Variants in PDPN observed in about 807,000 individuals in gnomAD.
PDPN encodes the protein PA2.26 antigen.
PDPN carries 12 observed loss-of-function variants against 23.2 expected under a neutral mutation model. The observed-to-expected ratio is 0.52, with a 90% CI of 0.33 to 0.84. The LOEUF is 0.84. Among genes scored for constraint, PDPN ranks in the 40% least tolerant of loss-of-function variants. PDPN has a pLI of 0.02. For synonymous variants in PDPN, 77 were observed against 76.7 expected, an observed-to-expected ratio of 1.00 and a Z score of -0.02; for missense variants, 199 against 212.2, an observed-to-expected ratio of 0.94 and a Z score of 0.39.
chr1:13,584,384 A>G, intron 1 of PDPN: 1 of 1,345,518 alleles, frequency 7.4e-7, no homozygotes, highest in African/African-American at 1.5e-5. Context: ...GCAGCACCAG[A>G]GAGATCGGGT....
rs2100581714 is a variant in PDPN at position 13,583,848 on chromosome 1, G to C, written c.-186G>C. ...AAAGTTCTCAACTGCAAAGTTTGCTGTCCGGCTGCCTAGGGTCTGGGAAGC... is the reference window on the plus strand; with the variant it reads ...AAAGTTCTCAACTGCAAAGTTTGCTCTCCGGCTGCCTAGGGTCTGGGAAGC... On this transcript the variant is annotated 5_prime_UTR_variant, in exon 1 of 6. Transcript: ENST00000621990. 6.3e-7 allele frequency: 1 copy of C among 1,582,618 alleles called. No individual in the cohort carries two copies. The highest frequency in any genetic ancestry group is 1.4e-5 in the African/African-American group (1 of 73,876).
chr1:13,593,584 A>G (rs1292326769), intron 1 of PDPN, among the ~76,000 whole-genome samples: 2 of 152,202 alleles, frequency 1.3e-5, no homozygotes, highest in African/African-American at 4.8e-5. Context: ...CATTCTGCAC[A>G]TTCCTGCAGG....
chr1:13,614,188 A>C, intron 4 of PDPN, 112 bp from the exon 5 acceptor site: 1 of 637,242 alleles, frequency 1.6e-6, no homozygotes, highest in South Asian at 2.0e-5. Flanking sequence ...AACAACATAG[A>C]GCAATATTTG....
In PDPN at chr1:13,583,934, C is replaced by G. The variant is rs370833657; in HGVS notation, c.-100C>G. The G allele has an allele frequency of 1.2e-4, 186 of 1,613,318 alleles. 2 individuals carry two copies. Among genetic ancestry groups the G allele is most frequent in the Admixed American group, 3.3e-5 (2 of 59,980 alleles). Reference sequence around the variant, plus strand: ...CCCCTCCGGCCCCCCCACCGTCGCGCTCCTCCAGGCTGGGCCTGTGGCCGC... The same window carrying G: ...CCCCTCCGGCCCCCCCACCGTCGCGGTCCTCCAGGCTGGGCCTGTGGCCGC... On this transcript the variant is annotated 5_prime_UTR_variant, in exon 1 of 6. Transcript: ENST00000621990.
intron 1 of PDPN, among the ~76,000 whole-genome samples, chr1:13,590,536 C>G (rs574140381): frequency 2.6e-5 from 4 of 152,100 alleles, no homozygotes; most frequent in African/African-American, 9.7e-5. Context: ...TTGGTTGGAG[C>G]AGGTGGCAGG....
chr1:13,603,085 AAAAC>A (rs1448489197), intron 1 of PDPN, among the ~76,000 whole-genome samples: 1 of 151,920 alleles, frequency 6.6e-6, no homozygotes, highest in Non-Finnish European at 1.5e-5. Flanking sequence ...GAGAGAGAAA[AAAAC>A]AGAGAGAGAT....
intron 1 of PDPN, among the ~76,000 whole-genome samples, chr1:13,600,883 G>A (rs1315659298): frequency 6.6e-6 from 1 of 152,044 alleles, no homozygotes; most frequent in Non-Finnish European, 1.5e-5. Flanking sequence ...GGGTTGGGGG[G>A]ACTCTTGCTA....
chr1:13,585,619 G>A (rs761960890), intron 1 of PDPN: 1 of 1,352,026 alleles, frequency 7.4e-7, no homozygotes, highest in South Asian at 1.1e-5. Context: ...ATTCCCTTCA[G>A]CCGGCTCCTG....
chr1:13,602,351 T>C (rs1640668727), intron 1 of PDPN, among the ~76,000 whole-genome samples: 2 of 151,422 alleles, frequency 1.3e-5, no homozygotes, highest in African/African-American at 4.9e-5. Flanking sequence ...GCCAGCAGCA[T>C]TTAGGCCAAA....
At position 13,607,280 on chromosome 1, in the gene PDPN, C is replaced by T. The variant is rs148537739; in HGVS notation, c.175C>T (p.Arg59Cys). Residue 59 changes from arginine (R) to cysteine (C), a missense_variant, in exon 2 of 6, where the codon CGC becomes TGC. Transcript: ENST00000621990. ...DVVTPGTSED[R>C]YKSGLTTLVA... ...GGTGACTCCAGGAACCAGCGAAGAC[C>T]GCTATAAGTCTGGCTTGACAACTCT... 369 of 1,613,918 alleles carry T rather than the reference C, an allele frequency of 2.3e-4. 2 individuals carry two copies. The highest frequency in any genetic ancestry group is 3.9e-4 in the African/African-American group (29 of 74,926).
At chr1:13,614,065 A>C (rs2275384) in intron 4 of PDPN, among the ~76,000 whole-genome samples, 3,565 of 152,234 alleles carry the variant, frequency 0.023, 86 homozygotes, top group African/African-American at 0.058. Context: ...TTAACACTTA[A>C]GCCAATGTGA....
At position 13,616,556 on chromosome 1, in the gene PDPN, A is replaced by G. The variant is rs1239710504; in HGVS notation, c.*645A>G. On this transcript the variant is annotated 3_prime_UTR_variant, in exon 6 of 6. Transcript: ENST00000621990. ...TCACAAGCAGGAAGTCGATAGTCTCAAAGGCACTTTGTTTCTCCCAAGTAG... is the reference window on the plus strand; with the variant it reads ...TCACAAGCAGGAAGTCGATAGTCTCGAAGGCACTTTGTTTCTCCCAAGTAG... The G allele has an allele frequency of 6.5e-6, 1 of 152,808 alleles. No individual in the cohort carries two copies. The highest frequency in any genetic ancestry group is 1.5e-5 in the Non-Finnish European group (1 of 68,458). The allele number at this position is 152,808 out of a possible 1,614,324, so 9.5% of individuals were successfully genotyped here.
chr1:13,600,574 A>G (rs575748672), intron 1 of PDPN, among the ~76,000 whole-genome samples: 1 of 152,306 alleles, frequency 6.6e-6, no homozygotes. Flanking sequence ...CACGTTGGCC[A>G]GGCTGGTCTT....
intron 1 of PDPN, among the ~76,000 whole-genome samples, chr1:13,602,185 G>A (rs910515958): frequency 3.9e-5 from 6 of 152,144 alleles, no homozygotes; most frequent in East Asian, 1.9e-4. Context: ...AAAATTAGCC[G>A]GGTGTGGTGG....
intron 1 of PDPN, among the ~76,000 whole-genome samples, chr1:13,599,292 G>A (rs912524839): frequency 2.6e-5 from 4 of 151,258 alleles, no homozygotes; most frequent in East Asian, 2.0e-4. Context: ...GATTACAGGC[G>A]TAAGCCACCA....
intron 1 of PDPN, chr1:13,585,641 T>C (rs201255549): frequency 1.0e-4 from 136 of 1,351,746 alleles, no homozygotes; most frequent in Non-Finnish European, 1.3e-4. Flanking sequence ...ATGTCAAAGG[T>C]ACTCCTAAAA....
At chr1:13,595,013 G>C (rs199760007) in intron 1 of PDPN, among the ~76,000 whole-genome samples, 1 of 145,800 alleles carries the variant, frequency 6.9e-6, no homozygotes, top group Non-Finnish European at 1.5e-5. Context: ...AAAAAAGAAA[G>C]AAAGAAAAAA....
At chr1:13,612,254 C>G (rs188078728) in intron 3 of PDPN, among the ~76,000 whole-genome samples, 1 of 152,140 alleles carries the variant, frequency 6.6e-6, no homozygotes, top group African/African-American at 2.4e-5. Context: ...AGCAGATGTT[C>G]GGTTTTGCTG....
intron 1 of PDPN, among the ~76,000 whole-genome samples, chr1:13,594,544 G>T (rs963394756): frequency 2.6e-5 from 4 of 152,130 alleles, no homozygotes; most frequent in Admixed American, 2.0e-4. Context: ...ACAGTGGTTG[G>T]GAGCATGGGT....
Sources: gnomAD v4.1 joint callset for allele counts (sites outside exome capture counted in the v4.1 genomes callset) on GRCh38, gnomAD v4.1.1 for gene constraint, MANE v1.5 for transcripts, NCBI Gene and HGNC (gene_info 2026-07-23, HGNC 2026-07-21) for gene names.